Variants in NXPH1 observed in about 807,000 individuals in gnomAD.
NXPH1 encodes neurexophilin-1.
In NXPH1, 5 loss-of-function variants were observed where a neutral mutation model predicts 23.7. The ratio of observed to expected loss-of-function variants is 0.21; its 90% CI spans 0.11 to 0.44. The LOEUF (loss-of-function observed/expected upper bound fraction) is 0.44, where lower values mean the gene tolerates loss of function less well. Among genes scored for constraint, NXPH1 ranks in the 20% least tolerant of loss-of-function variants. The pLI is 0.99. For synonymous variants in NXPH1, 144 were observed against 122.2 expected (o/e 1.18, Z -1.18); for missense variants, 324 against 321.6 (o/e 1.01, Z -0.06).
At chr7:8,738,039 T>G (rs1185437769) in intron 2 of NXPH1, among the ~76,000 whole-genome samples, 2 of 152,112 alleles carry the variant, frequency 1.3e-5, no homozygotes, top group Non-Finnish European at 2.9e-5. Context: ...TCATCCAACC[T>G]TTTTTCAAGG....
intron 2 of NXPH1, among the ~76,000 whole-genome samples, chr7:8,720,887 GACATTTTA>G (rs1225371808): frequency 6.6e-6 from 1 of 152,100 alleles, no homozygotes; most frequent in Non-Finnish European, 1.5e-5. Context: ...CAAACTGAGG[GACATTTTA>G]CCGATTAATA....
intron 2 of NXPH1, among the ~76,000 whole-genome samples, chr7:8,733,819 C>T (rs1345825345): frequency 6.6e-6 from 1 of 152,096 alleles, no homozygotes; most frequent in Non-Finnish European, 1.5e-5. Flanking sequence ...TTCTCCCATT[C>T]TGTAGGTTGT....
chr7:8,594,583 T>C (rs1819174749), intron 2 of NXPH1, among the ~76,000 whole-genome samples: 2 of 151,914 alleles, frequency 1.3e-5, no homozygotes, highest in African/African-American at 4.8e-5. Flanking sequence ...CAAAATAAAT[T>C]AAGTGAGGAG....
intron 2 of NXPH1, among the ~76,000 whole-genome samples, chr7:8,478,979 G>T (rs947488123): frequency 3.3e-5 from 5 of 152,070 alleles, no homozygotes; most frequent in African/African-American, 4.8e-5. Flanking sequence ...AACTTTCTGA[G>T]AGATCTACTA....
chr7:8,479,551 G>T (rs1334682738), intron 2 of NXPH1, among the ~76,000 whole-genome samples: 1 of 152,124 alleles, frequency 6.6e-6, no homozygotes, highest in Non-Finnish European at 1.5e-5. Flanking sequence ...CTTAGGAAAA[G>T]TGAGCAACTT....
chr7:8,556,618 C>T (rs949548502), intron 2 of NXPH1, among the ~76,000 whole-genome samples: 1 of 151,710 alleles, frequency 6.6e-6, no homozygotes, highest in African/African-American at 2.4e-5. Flanking sequence ...AACATTACAT[C>T]ATCAGAAACA....
chr7:8,591,138 A>G (rs1819086308), intron 2 of NXPH1, among the ~76,000 whole-genome samples: 1 of 152,084 alleles, frequency 6.6e-6, no homozygotes, highest in Non-Finnish European at 1.5e-5. Flanking sequence ...GGATAATAAA[A>G]CCAATGAGAC....
chr7:8,586,370 T>C (rs1818981633), intron 2 of NXPH1, among the ~76,000 whole-genome samples: 1 of 152,014 alleles, frequency 6.6e-6, no homozygotes, highest in South Asian at 2.1e-4. Flanking sequence ...CGATAATAAT[T>C]CATAGAAACT....
At chr7:8,586,310 T>A (rs983996) in intron 2 of NXPH1, among the ~76,000 whole-genome samples, 43,791 of 151,694 alleles carry the variant, frequency 0.29, 7,243 homozygotes, top group African/African-American at 0.45. Flanking sequence ...TATAAATGGG[T>A]TTGAGAATTT....
chr7:8,663,769 C>G (rs538774548), intron 2 of NXPH1, among the ~76,000 whole-genome samples: 99 of 152,192 alleles, frequency 6.5e-4, no homozygotes, highest in East Asian at 1.4e-3. Context: ...TCCTGTGATA[C>G]AGAGAAATAA....
At chr7:8,739,538 C>T (rs186965932) in intron 2 of NXPH1, among the ~76,000 whole-genome samples, 1 of 152,270 alleles carries the variant, frequency 6.6e-6, no homozygotes, top group African/African-American at 2.4e-5. Flanking sequence ...GCAGAAGTCA[C>T]CCGCCTTTTG....
intron 2 of NXPH1, among the ~76,000 whole-genome samples, chr7:8,648,198 T>C (rs998959803): frequency 7.2e-5 from 11 of 152,184 alleles, no homozygotes; most frequent in African/African-American, 2.7e-4. Context: ...TTTAAAAATG[T>C]CCAATTAAGT....
chr7:8,464,417 TCAGA>T (rs1816745046), intron 2 of NXPH1, among the ~76,000 whole-genome samples: 1 of 152,156 alleles, frequency 6.6e-6, no homozygotes, highest in African/African-American at 2.4e-5. Context: ...AACTCCTGAG[TCAGA>T]CATTCAAAGC....
At chr7:8,477,066 C>T (rs1250259807) in intron 2 of NXPH1, among the ~76,000 whole-genome samples, 2 of 152,032 alleles carry the variant, frequency 1.3e-5, no homozygotes, top group Admixed American at 6.6e-5. Flanking sequence ...TAAGCAGTAC[C>T]CAAAAATACA....
intron 2 of NXPH1, among the ~76,000 whole-genome samples, chr7:8,657,960 G>A (rs1028945319): frequency 6.6e-5 from 10 of 152,138 alleles, no homozygotes; most frequent in African/African-American, 2.4e-4. Flanking sequence ...CTCGGGAGGC[G>A]GAAGTTGCAG....
At chr7:8,464,288 G>A (rs975206253) in intron 2 of NXPH1, among the ~76,000 whole-genome samples, 1 of 152,102 alleles carries the variant, frequency 6.6e-6, no homozygotes, top group Admixed American at 6.5e-5. Flanking sequence ...GTGACCACTT[G>A]CCACTTCCAT....
chr7:8,626,034 G>C (rs1372607535), intron 2 of NXPH1, among the ~76,000 whole-genome samples: 1 of 151,918 alleles, frequency 6.6e-6, no homozygotes, highest in African/African-American at 2.4e-5. Flanking sequence ...TTGTTTGTTG[G>C]TTGAGGACTA....
intron 2 of NXPH1, among the ~76,000 whole-genome samples, chr7:8,596,908 A>G (rs1266516010): frequency 6.6e-6 from 1 of 152,136 alleles, no homozygotes; most frequent in Non-Finnish European, 1.5e-5. Context: ...ATATAATCAA[A>G]CAACTATATG....
At chr7:8,727,960 C>T (rs1166758819) in intron 2 of NXPH1, among the ~76,000 whole-genome samples, 1 of 151,470 alleles carries the variant, frequency 6.6e-6, no homozygotes, top group African/African-American at 2.4e-5. Context: ...TTGATTCTTC[C>T]TACCCATGAG....
Sources: allele counts gnomAD v4.1 joint callset (sites outside exome capture counted in the v4.1 genomes callset), GRCh38; gene constraint gnomAD v4.1.1; transcripts MANE v1.5; gene names NCBI Gene and HGNC (gene_info 2026-07-23, HGNC 2026-07-21).